TAFA2: variants seen among roughly 807,000 people sequenced by gnomAD.
TAFA2 encodes the protein TAFA chemokine like family member 2.
A neutral mutation model predicts 18.8 loss-of-function variants in TAFA2; 7 were observed. That is an observed-to-expected ratio of 0.37 (90% CI 0.21 to 0.70). The LOEUF is 0.70. Among genes scored for constraint, TAFA2 ranks in the 30% least tolerant of loss-of-function variants. The pLI is 0.53. For synonymous variants in TAFA2, 60 were observed against 54.2 expected, an observed-to-expected ratio of 1.11 and a Z score of -0.47; for missense variants, 122 against 158.1, an observed-to-expected ratio of 0.77 and a Z score of 1.23.
At chr12:61,710,470 T>A in intron 4 of TAFA2, 53 bp from the exon 5 acceptor site, 1 of 1,443,042 alleles carries the variant, frequency 6.9e-7, no homozygotes, top group Non-Finnish European at 9.7e-7. Context: ...CCGATAATCT[T>A]AAAACTAAAC....
chr12:62,148,036 T>C (rs1225522997), intron 1 of TAFA2, among the ~76,000 whole-genome samples: 2 of 150,154 alleles, frequency 1.3e-5, no homozygotes, highest in African/African-American at 2.5e-5. Context: ...CCAGTCAGAA[T>C]GGCTATTACT....
chr12:62,075,848 G>C (rs183717323), intron 1 of TAFA2, among the ~76,000 whole-genome samples: 1 of 152,282 alleles, frequency 6.6e-6, no homozygotes, highest in East Asian at 1.9e-4. Context: ...TATTGTTAGT[G>C]ATAACTAACT....
intron 1 of TAFA2, among the ~76,000 whole-genome samples, chr12:61,943,604 G>A (rs1177392117): frequency 6.6e-6 from 1 of 151,562 alleles, no homozygotes; most frequent in Non-Finnish European, 1.5e-5. Flanking sequence ...AAAGGATGGA[G>A]GAAGATCTAC....
chr12:61,937,967 A>T (rs1170504384), intron 1 of TAFA2, among the ~76,000 whole-genome samples: 1 of 152,104 alleles, frequency 6.6e-6, no homozygotes, highest in African/African-American at 2.4e-5. Context: ...AAAAAAACAA[A>T]TAATCCCATC....
chr12:61,933,551 A>G (rs981501809), intron 1 of TAFA2, among the ~76,000 whole-genome samples: 7 of 152,058 alleles, frequency 4.6e-5, no homozygotes, highest in African/African-American at 1.7e-4. Context: ...CATCTCTACA[A>G]AAAAATTAAA....
intron 1 of TAFA2, among the ~76,000 whole-genome samples, chr12:61,907,196 G>A (rs773814234): frequency 2.0e-5 from 3 of 152,200 alleles, no homozygotes; most frequent in East Asian, 1.9e-4. Context: ...AAATGTCTCC[G>A]GGACATGTCA....
intron 1 of TAFA2, among the ~76,000 whole-genome samples, chr12:61,961,227 G>C (rs1220220476): frequency 1.3e-5 from 2 of 151,776 alleles, no homozygotes; most frequent in African/African-American, 4.8e-5. Flanking sequence ...ACACAAGGGG[G>C]GAAATCCACC....
chr12:61,903,920 A>G (rs1226448726), intron 1 of TAFA2, among the ~76,000 whole-genome samples: 1 of 152,110 alleles, frequency 6.6e-6, no homozygotes. Flanking sequence ...CAGACAATGG[A>G]ATAATAATAG....
chr12:61,876,699 C>A (rs1026572879), intron 1 of TAFA2, among the ~76,000 whole-genome samples: 1 of 151,608 alleles, frequency 6.6e-6, no homozygotes, highest in Non-Finnish European at 1.5e-5. Context: ...CAAAAGCAAA[C>A]AAACCATTAA....
intron 4 of TAFA2, among the ~76,000 whole-genome samples, chr12:61,735,321 A>G (rs1868285680): frequency 6.6e-6 from 1 of 151,940 alleles, no homozygotes; most frequent in Non-Finnish European, 1.5e-5. Flanking sequence ...GTTAAACAGC[A>G]TATACTTGTG....
intron 1 of TAFA2, among the ~76,000 whole-genome samples, chr12:62,172,333 T>A (rs1425912459): frequency 6.6e-6 from 1 of 152,114 alleles, no homozygotes; most frequent in East Asian, 1.9e-4. Context: ...TCATATAATC[T>A]AATGACTAAA....
chr12:62,138,030 C>A (rs962735412), intron 1 of TAFA2, among the ~76,000 whole-genome samples: 18 of 152,106 alleles, frequency 1.2e-4, no homozygotes, highest in African/African-American at 4.3e-4. Flanking sequence ...CTGGAATGCT[C>A]TTCCCCCATA....
At chr12:62,178,567 CAG>C (rs1365604311) in intron 1 of TAFA2, among the ~76,000 whole-genome samples, 1 of 152,132 alleles carries the variant, frequency 6.6e-6, no homozygotes, top group African/African-American at 2.4e-5. Context: ...AGATTAGAGA[CAG>C]AGGAGTTTAT....
At chr12:61,889,149 C>T (rs1005025145) in intron 1 of TAFA2, among the ~76,000 whole-genome samples, 1 of 152,160 alleles carries the variant, frequency 6.6e-6, no homozygotes, top group Non-Finnish European at 1.5e-5. Context: ...ATTTAGCTAA[C>T]ACACATGATG....
intron 1 of TAFA2, among the ~76,000 whole-genome samples, chr12:62,246,575 G>GTT (rs1167002344): frequency 1.3e-5 from 2 of 152,214 alleles, no homozygotes; most frequent in South Asian, 4.1e-4. Context: ...TGCTTTATGA[G>GTT]TTTTTAAAAC....
intron 2 of TAFA2, among the ~76,000 whole-genome samples, chr12:61,837,990 A>G (rs1004816112): frequency 6.6e-6 from 1 of 151,994 alleles, no homozygotes; most frequent in Non-Finnish European, 1.5e-5. Flanking sequence ...CATCTATTTT[A>G]TGTGAACTCA....
At chr12:62,121,414 T>A (rs1870190628) in intron 1 of TAFA2, among the ~76,000 whole-genome samples, 1 of 152,194 alleles carries the variant, frequency 6.6e-6, no homozygotes, top group Non-Finnish European at 1.5e-5. Flanking sequence ...GAGCCAGTGA[T>A]TCAACTTTAC....
chr12:62,079,068 G>A (rs773821900), intron 1 of TAFA2, among the ~76,000 whole-genome samples: 2 of 152,140 alleles, frequency 1.3e-5, no homozygotes, highest in African/African-American at 2.4e-5. Flanking sequence ...AGTGTTGCCA[G>A]TGAAGTCACA....
chr12:61,941,206 A>G (rs1877990955), intron 1 of TAFA2, among the ~76,000 whole-genome samples: 1 of 152,180 alleles, frequency 6.6e-6, no homozygotes, highest in South Asian at 2.1e-4. Context: ...TACCAAAACA[A>G]AAACTTATAT....
Sources: allele counts gnomAD v4.1 joint callset (sites outside exome capture counted in the v4.1 genomes callset), GRCh38; gene constraint gnomAD v4.1.1; transcripts MANE v1.5; gene names NCBI Gene and HGNC (gene_info 2026-07-23, HGNC 2026-07-21).